SFMBT1: variants seen among roughly 807,000 people sequenced by gnomAD.
The protein encoded by SFMBT1 is Scm like with four mbt domains 1, also known as scm-like with four MBT domains protein 1.
SFMBT1 carries 32 observed loss-of-function variants against 108.7 expected under a neutral mutation model. That is an observed-to-expected ratio of 0.29 (90% CI 0.22 to 0.40). The LOEUF (loss-of-function observed/expected upper bound fraction) is 0.40, where lower values mean the gene tolerates loss of function less well. Ranked by LOEUF, SFMBT1 falls within the 10% of genes least tolerant of loss-of-function variation. SFMBT1 has a pLI of 1.00. For missense variants in SFMBT1, 816 were observed against 1,059.6 expected (o/e 0.77, Z 3.19); for synonymous variants, 348 against 369.5 (o/e 0.94, Z 0.67).
chr3:52,905,078 G>A lies in SFMBT1; in HGVS notation c.*58C>T, dbSNP rs1290849580. Reference sequence around the variant, plus strand: ...CTATTCCAGCTCCACTTATAAAGCAGGGTGAAGGATTTGCTGCATTTGTGC... The same window carrying A: ...CTATTCCAGCTCCACTTATAAAGCAAGGTGAAGGATTTGCTGCATTTGTGC... On this transcript the variant is annotated 3_prime_UTR_variant, in exon 21 of 21. Transcript: ENST00000394752. The A allele has an allele frequency of 3.1e-6, 5 of 1,594,104 alleles. No homozygotes were observed. The highest frequency in any genetic ancestry group is 1.3e-5 in the African/African-American group (1 of 74,468).
intron 1 of SFMBT1, among the ~76,000 whole-genome samples, chr3:53,019,892 C>G (rs938078983): frequency 3.3e-5 from 5 of 152,144 alleles, no homozygotes; most frequent in African/African-American, 1.2e-4. Context: ...CCTGCAAGAT[C>G]TGGTGTCCCC....
intron 2 of SFMBT1, among the ~76,000 whole-genome samples, chr3:52,959,856 G>A (rs1424338518): frequency 6.6e-6 from 1 of 151,806 alleles, no homozygotes; most frequent in Non-Finnish European, 1.5e-5. Flanking sequence ...TTGTTTTGTT[G>A]TTGTTGTTGT....
chr3:53,036,666 A>AG (rs2106968010), intron 1 of SFMBT1, among the ~76,000 whole-genome samples: 1 of 152,368 alleles, frequency 6.6e-6, no homozygotes, highest in South Asian at 2.1e-4. Context: ...GGAGCTAGAC[A>AG]AACTCTAAAT....
At chr3:52,975,816 G>T (rs1704499538) in intron 1 of SFMBT1, among the ~76,000 whole-genome samples, 1 of 152,068 alleles carries the variant, frequency 6.6e-6, no homozygotes, top group South Asian at 2.1e-4. Flanking sequence ...TGGCCAGGCT[G>T]GTCTCGAACT....
Position 52,980,884 on chromosome 3 carries a change from C to T in SFMBT1, c.-130-11626G>A, listed in dbSNP as rs142698843. On this transcript the variant is annotated intron_variant, in intron 1 of 20. Coordinates refer to ENST00000394752, the MANE Select transcript of SFMBT1 (RefSeq NM_016329.4). ...AAAGCAAAAGAAAGGTGAAGGAGTC[C>T]GGTCGCGGTAGCTCACGCCTGTAAT... Among the ~76,000 whole-genome samples, 361 of 152,256 alleles carry T rather than the reference C, an allele frequency of 2.4e-3. 1 individual carries two copies. The highest frequency in any genetic ancestry group is 7.7e-3 in the African/African-American group (320 of 41,548).
chr3:52,920,082 A>C (rs1702475101), intron 12 of SFMBT1, among the ~76,000 whole-genome samples: 2 of 152,244 alleles, frequency 1.3e-5, no homozygotes, highest in Admixed American at 1.3e-4. Context: ...ATGCACCCTC[A>C]CCAGAACCTG....
chr3:52,905,671 A>T lies in SFMBT1; in HGVS notation c.2461-395T>A, dbSNP rs191525242. 6.4e-3 allele frequency among the ~76,000 whole-genome samples: 980 copies of T among 152,338 alleles called. 92 individuals are homozygous for T. The South Asian group carries it at 0.18, about 28-fold the overall frequency. ...TTTTCCTACTCTGTAACATTCATAA[A>T]AACCCGATAAGCTCTTGAATCTCCC... On this transcript the variant is annotated intron_variant, in intron 20 of 20. Transcript: ENST00000394752.
rs1431599839 is a variant in SFMBT1, at chr3:52,903,902, C to A, written c.*1234G>T. The stretch of plus-strand genomic sequence containing the variant: ...AATACTGAGTTGTTTAAATGGGAAT[C>A]CTCGGACTAAAGATTATATTCAATT... On this transcript the variant is annotated 3_prime_UTR_variant, in exon 21 of 21. Coordinates refer to ENST00000394752, the MANE Select transcript of SFMBT1 (RefSeq NM_016329.4). 1.3e-5 allele frequency: 2 copies of A among 152,146 alleles called. No homozygotes were observed. Among genetic ancestry groups the A allele is most frequent in the Non-Finnish European group, 2.9e-5 (2 of 68,020 alleles). The allele number at this position is 152,146 out of a possible 1,614,324, so 9.4% of individuals were successfully genotyped here.
intron 1 of SFMBT1, among the ~76,000 whole-genome samples, chr3:53,021,514 C>T (rs1699306183): frequency 6.6e-6 from 1 of 152,108 alleles, no homozygotes; most frequent in South Asian, 2.1e-4. Context: ...CAACAAGTAT[C>T]CATGGGTCAC....
intron 8 of SFMBT1, among the ~76,000 whole-genome samples, chr3:52,929,594 C>T (rs554426277): frequency 6.6e-6 from 1 of 152,318 alleles, no homozygotes; most frequent in African/African-American, 2.4e-5. Flanking sequence ...CCTTCAGACT[C>T]TAGGTAGGGC....
intron 5 of SFMBT1, among the ~76,000 whole-genome samples, chr3:52,932,542 C>T (rs2581827): frequency 0.6 from 90,962 of 152,006 alleles, 27,679 homozygotes; most frequent in Middle Eastern, 0.68. Flanking sequence ...TCTAACACAT[C>T]TCTATCTCTA....
chr3:52,986,196 T>C (rs555788007), intron 1 of SFMBT1, among the ~76,000 whole-genome samples: 1 of 151,258 alleles, frequency 6.6e-6, no homozygotes, highest in East Asian at 1.9e-4. Context: ...AGGGCACTTA[T>C]CATGAATGGA....
At chr3:52,942,381 T>TTTA (rs1367562996) in intron 4 of SFMBT1, among the ~76,000 whole-genome samples, 3 of 152,202 alleles carry the variant, frequency 2.0e-5, no homozygotes, top group Non-Finnish European at 2.9e-5. Flanking sequence ...AAACATCATA[T>TTTA]ATGTCACCAT....
intron 9 of SFMBT1, among the ~76,000 whole-genome samples, chr3:52,926,522 T>C (rs1367885835): frequency 6.6e-6 from 1 of 152,028 alleles, no homozygotes; most frequent in African/African-American, 2.4e-5. Context: ...CAGCAAATAG[T>C]ATTAGTTAAT....
chr3:53,030,083 C>CAA (rs200123372), intron 1 of SFMBT1, among the ~76,000 whole-genome samples: 3 of 149,498 alleles, frequency 2.0e-5, no homozygotes, highest in South Asian at 2.1e-4. Context: ...TTTGCAGCAG[C>CAA]AAAAAAAAAC....
At chr3:53,011,433 C>T (rs1698939768) in intron 1 of SFMBT1, among the ~76,000 whole-genome samples, 1 of 152,112 alleles carries the variant, frequency 6.6e-6, no homozygotes, top group Admixed American at 6.6e-5. Context: ...TTCTATAGTA[C>T]ACAAACAGCA....
In SFMBT1 at chr3:53,001,449, T is replaced by C. The variant is rs941475392; in HGVS notation, c.-130-32191A>G. On this transcript the variant is annotated intron_variant, in intron 1 of 20. Coordinates refer to ENST00000394752, the MANE Select transcript of SFMBT1 (RefSeq NM_016329.4). ...ACTCTTCAAAAAAGAAAAAGTTCCA[T>C]CACTCTTAATTATTCTTACATCCTC... Among the ~76,000 whole-genome samples the C allele has an allele frequency of 4.7e-5, 7 of 149,738 alleles. 1 individual carries two copies. Among genetic ancestry groups the C allele is most frequent in the Non-Finnish European group, 7.5e-5 (5 of 66,868 alleles).
chr3:52,963,758 A>G (rs534975922), intron 2 of SFMBT1, among the ~76,000 whole-genome samples: 17 of 152,184 alleles, frequency 1.1e-4, no homozygotes, highest in Admixed American at 9.2e-4. Context: ...GGCCTATGCC[A>G]TATTAAAATA....
intron 3 of SFMBT1, among the ~76,000 whole-genome samples, chr3:52,953,533 T>C (rs985177952): frequency 1.3e-5 from 2 of 152,092 alleles, no homozygotes; most frequent in Non-Finnish European, 2.9e-5. Flanking sequence ...AGGGCAAATA[T>C]GTTGTCATTG....
Sources: gnomAD v4.1 joint callset for allele counts (sites outside exome capture counted in the v4.1 genomes callset) on GRCh38, gnomAD v4.1.1 for gene constraint, MANE v1.5 for transcripts, NCBI Gene and HGNC (gene_info 2026-07-23, HGNC 2026-07-21) for gene names.